HORMAD2: variants seen among roughly 807,000 people sequenced by gnomAD.
The protein encoded by HORMAD2 is HORMA domain-containing protein 2.
In HORMAD2, 45 loss-of-function variants were observed where a neutral mutation model predicts 38.8. The observed-to-expected ratio is 1.16, with a 90% confidence interval of 0.91 to 1.49. The LOEUF (loss-of-function observed/expected upper bound fraction) is 1.49, where lower values mean the gene tolerates loss of function less well. Among genes scored for constraint, HORMAD2 ranks in the 40% most tolerant of loss-of-function variants. The pLI, the probability that HORMAD2 is intolerant of heterozygous loss-of-function variation, is 0.00. For synonymous variants in HORMAD2, 126 were observed against 122.8 expected (o/e 1.03, Z -0.17); for missense variants, 338 against 367.0 (o/e 0.92, Z 0.65).
the HORMAD2 span, among the ~76,000 whole-genome samples, chr22:30,201,304 T>A: frequency 6.6e-6 from 1 of 152,170 alleles, no homozygotes; most frequent in Non-Finnish European, 1.5e-5. Context: ...TATCAGCCAT[T>A]GCACTTAGGG....
At chr22:30,092,423 A>T (rs571845460) in intron 1 of HORMAD2, among the ~76,000 whole-genome samples, 1 of 142,624 alleles carries the variant, frequency 7.0e-6, no homozygotes, top group East Asian at 2.0e-4. Context: ...TTGGATGAAT[A>T]GTTTTCAAAT....
At chr22:30,133,023 A>C (rs993308210) in intron 10 of HORMAD2, among the ~76,000 whole-genome samples, 3 of 152,236 alleles carry the variant, frequency 2.0e-5, no homozygotes, top group Non-Finnish European at 4.4e-5. Context: ...TGGTTAAAAA[A>C]GAGATGCCTC....
chr22:30,110,503 A>G (rs1451147433), intron 5 of HORMAD2, among the ~76,000 whole-genome samples: 1 of 149,482 alleles, frequency 6.7e-6, no homozygotes, highest in Non-Finnish European at 1.5e-5. Flanking sequence ...CTCCTGTTTC[A>G]GCCTCCCAAG....
intron 10 of HORMAD2, among the ~76,000 whole-genome samples, chr22:30,124,796 A>G (rs1213653112): frequency 6.6e-6 from 1 of 152,158 alleles, no homozygotes; most frequent in Non-Finnish European, 1.5e-5. Flanking sequence ...TTGGGAATAT[A>G]TGAAACAGTT....
the HORMAD2 span, among the ~76,000 whole-genome samples, chr22:30,194,604 T>G: frequency 1.3e-5 from 2 of 152,192 alleles, no homozygotes; most frequent in Non-Finnish European, 2.9e-5. Context: ...TATGAGATGT[T>G]GCAGGGGTGA....
At chr22:30,115,261 G>A (rs1921953680) in intron 7 of HORMAD2, among the ~76,000 whole-genome samples, 1 of 151,950 alleles carries the variant, frequency 6.6e-6, no homozygotes, top group African/African-American at 2.4e-5. Flanking sequence ...CAAGTAGCTG[G>A]GACTGCAGTT....
chr22:30,185,180 C>A, the HORMAD2 span, among the ~76,000 whole-genome samples: 4 of 152,142 alleles, frequency 2.6e-5, no homozygotes, highest in Admixed American at 1.3e-4. Flanking sequence ...GGAGGGTTCC[C>A]TTGAGGGACC....
chr22:30,178,441 A>T (rs1178725482), downstream of HORMAD2, among the ~76,000 whole-genome samples: 1 of 152,234 alleles, frequency 6.6e-6, no homozygotes, highest in East Asian at 1.9e-4. Context: ...ACACGGAAGG[A>T]GATCTGTTAC....
chr22:30,098,830 T>C (rs1189827522), intron 2 of HORMAD2, 22 bp from the exon 3 acceptor site: 3 of 1,601,164 alleles, frequency 1.9e-6, no homozygotes, highest in East Asian at 2.2e-5. Context: ...CTAATCTTTT[T>C]TCACCTCCGT....
intron 1 of HORMAD2, among the ~76,000 whole-genome samples, chr22:30,091,187 C>G (rs1377588589): frequency 6.6e-6 from 1 of 151,768 alleles, no homozygotes; most frequent in Non-Finnish European, 1.5e-5. Context: ...GAATAATATT[C>G]CATTGTGTAT....
the HORMAD2 span, among the ~76,000 whole-genome samples, chr22:30,205,315 C>T: frequency 2.0e-4 from 30 of 152,238 alleles, no homozygotes; most frequent in Non-Finnish European, 3.4e-4. Context: ...CTAACCACAG[C>T]GCTCTCCTGC....
At chr22:30,101,885 G>A (rs1306706257) in intron 3 of HORMAD2, among the ~76,000 whole-genome samples, 2 of 151,994 alleles carry the variant, frequency 1.3e-5, no homozygotes, top group East Asian at 1.9e-4. Flanking sequence ...TGAACAACAC[G>A]GTGAAACCCT....
chr22:30,150,660 T>A (rs943880232), intron 10 of HORMAD2, among the ~76,000 whole-genome samples: 1 of 152,178 alleles, frequency 6.6e-6, no homozygotes, highest in Non-Finnish European at 1.5e-5. Context: ...GTACAAGCCT[T>A]TGGGAGAAGT....
chr22:30,107,484 C>G (rs1921287533), intron 5 of HORMAD2, among the ~76,000 whole-genome samples: 1 of 152,082 alleles, frequency 6.6e-6, no homozygotes, highest in African/African-American at 2.4e-5. Context: ...CACAGTGGCT[C>G]ACACCTGTAA....
chr22:30,169,870 T>G (rs1160512275), intron 10 of HORMAD2, among the ~76,000 whole-genome samples: 3 of 152,340 alleles, frequency 2.0e-5, no homozygotes, highest in African/African-American at 7.2e-5. Flanking sequence ...TCCTTTACTG[T>G]ACCAACATAT....
At chr22:30,134,324 G>A (rs1007034297) in intron 10 of HORMAD2, among the ~76,000 whole-genome samples, 1 of 144,706 alleles carries the variant, frequency 6.9e-6, no homozygotes, top group Non-Finnish European at 1.5e-5. Flanking sequence ...ACTTGAACCC[G>A]GGAGGCGAAG....
intron 10 of HORMAD2, among the ~76,000 whole-genome samples, chr22:30,175,466 G>A (rs374944329): frequency 7.3e-5 from 11 of 151,078 alleles, no homozygotes; most frequent in South Asian, 2.1e-4. Flanking sequence ...TTGTTTGGCA[G>A]ATTATAATAT....
chr22:30,088,392 C>A (rs1484813359), intron 1 of HORMAD2, among the ~76,000 whole-genome samples: 1 of 151,298 alleles, frequency 6.6e-6, no homozygotes, highest in East Asian at 1.9e-4. Context: ...CTGCTTGAAT[C>A]CTTTCTCAAT....
At chr22:30,170,644 A>G (rs761927716) in intron 10 of HORMAD2, among the ~76,000 whole-genome samples, 31 of 152,062 alleles carry the variant, frequency 2.0e-4, no homozygotes, top group Non-Finnish European at 4.3e-4. Context: ...AACATATTGA[A>G]CTTTCTGCCT....
Sources: gnomAD v4.1 joint callset for allele counts (sites outside exome capture counted in the v4.1 genomes callset) on GRCh38, gnomAD v4.1.1 for gene constraint, MANE v1.5 for transcripts, NCBI Gene and HGNC (gene_info 2026-07-23, HGNC 2026-07-21) for gene names.